PCDHGA5: variants seen among roughly 807,000 people sequenced by gnomAD.
PCDHGA5 encodes protocadherin gamma subfamily A, 5.
Under a neutral mutation model 56.7 loss-of-function variants are expected in PCDHGA5, and 36 were observed. The ratio of observed to expected loss-of-function variants is 0.64; its 90% CI spans 0.49 to 0.84. The LOEUF is 0.84. Among genes scored for constraint, PCDHGA5 ranks in the 40% least tolerant of loss-of-function variants. The pLI is 0.00. For missense variants in PCDHGA5, 1,305 were observed against 1,201.5 expected (o/e 1.09, Z -1.27); for synonymous variants, 563 against 520.2 (o/e 1.08, Z -1.12).
At position 141,489,924 on chromosome 5, in the gene PCDHGA5, C is replaced by G. The variant is rs755286650; in HGVS notation, c.2422-4883C>G. ...CAGCCCGCTCAGGGACCACCCTTAT[C>G]TCTGTCATCGTGCTGGACATCAATG... is the stretch of plus-strand genomic sequence containing the variant. On this transcript the variant is annotated intron_variant, in intron 1 of 3. Transcript: ENST00000518069. This position sits in a 1 kb window ranked among gnomAD's most constrained non-coding sequence, Gnocchi z 4.5. 22 of 1,614,226 alleles carry G rather than the reference C, an allele frequency of 1.4e-5. No homozygotes were observed. The highest frequency in any genetic ancestry group is 1.9e-5 in the Non-Finnish European group (22 of 1,180,030).
At chr5:141,419,190 A>G in intron 1 of PCDHGA5, 1 of 1,613,930 alleles carries the variant, frequency 6.2e-7, no homozygotes, top group South Asian at 1.1e-5. Flanking sequence ...CACATTACTG[A>G]CGTCAATGAC....
At chr5:141,392,819 C>A (rs1346235587) in intron 1 of PCDHGA5, 7 of 1,590,376 alleles carry the variant, frequency 4.4e-6, no homozygotes, top group Non-Finnish European at 6.0e-6. Context: ...CAACAATGGC[C>A]GCTCCACAGA....
chr5:141,369,294 C>T (rs767666173), intron 1 of PCDHGA5, among the ~76,000 whole-genome samples: 37 of 152,084 alleles, frequency 2.4e-4, no homozygotes, highest in Non-Finnish European at 3.5e-4. Flanking sequence ...ATCCTAATAA[C>T]GCATCATTGT....
chr5:141,382,777 C>T (rs1778426057), intron 1 of PCDHGA5: 3 of 822,272 alleles, frequency 3.6e-6, no homozygotes, highest in South Asian at 2.0e-5. Flanking sequence ...CTGCACTAAA[C>T]TCAAGCCTCT....
intron 1 of PCDHGA5, chr5:141,429,167 T>TATAC (rs1240034860): frequency 3.1e-4 from 42 of 136,210 alleles, no homozygotes; most frequent in African/African-American, 7.0e-4. Flanking sequence ...AGACATTGTT[T>TATAC]ATACACACAC....
intron 1 of PCDHGA5, among the ~76,000 whole-genome samples, chr5:141,492,559 C>G (rs533830391): frequency 2.0e-5 from 3 of 152,174 alleles, no homozygotes; most frequent in Non-Finnish European, 4.4e-5. Context: ...GCCTGGGGGG[C>G]GGCCTGAGCG....
rs1478890031 is a variant in PCDHGA5, at chr5:141,478,689, C to G, written c.2422-16118C>G. On this transcript the variant is annotated intron_variant, in intron 1 of 3. Coordinates refer to ENST00000518069, the MANE Select transcript of PCDHGA5 (RefSeq NM_018918.3). Reference sequence around the variant, plus strand: ...CACTTTCAACTGGCCCTTCCTAGATCAAAGTTAGTGCCTTTGTGAGATGGT... The same window carrying G: ...CACTTTCAACTGGCCCTTCCTAGATGAAAGTTAGTGCCTTTGTGAGATGGT... 3 of 1,550,866 alleles carry G rather than the reference C, an allele frequency of 1.9e-6. No homozygotes were observed. In the African/African-American group the frequency reaches 4.1e-5, roughly 21 times the overall value.
chr5:141,385,991 T>C (rs1044328038), intron 1 of PCDHGA5: 1 of 152,222 alleles, frequency 6.6e-6, no homozygotes, highest in East Asian at 1.9e-4. Context: ...ATATGTCAAA[T>C]AAAATGTCAT....
intron 1 of PCDHGA5, chr5:141,371,697 A>T (rs1002155350): frequency 6.2e-7 from 1 of 1,613,958 alleles, no homozygotes; most frequent in African/African-American, 1.3e-5. Context: ...GCTCTCCTCC[A>T]GCAAGACCAT....
intron 1 of PCDHGA5, among the ~76,000 whole-genome samples, chr5:141,473,191 G>A (rs28479996): frequency 0.019 from 2,957 of 152,242 alleles, 87 homozygotes; most frequent in African/African-American, 0.062. Context: ...AGGAGTAAAT[G>A]TATCTTCTAA....
intron 1 of PCDHGA5, chr5:141,394,820 C>T (rs1480144579): frequency 5.6e-6 from 9 of 1,613,748 alleles, no homozygotes; most frequent in African/African-American, 1.3e-5. Flanking sequence ...ACAGCATCCC[C>T]GAAGTCCTGA....
At chr5:141,382,945 C>T (rs1357779050) in intron 1 of PCDHGA5, 1 of 1,597,008 alleles carries the variant, frequency 6.3e-7, no homozygotes, top group Admixed American at 1.7e-5. Context: ...ATTCTTCCTG[C>T]TCTCCATCCT....
At chr5:141,448,415 T>C (rs1286455437) in intron 1 of PCDHGA5, among the ~76,000 whole-genome samples, 2 of 152,158 alleles carry the variant, frequency 1.3e-5, no homozygotes, top group African/African-American at 2.4e-5. Context: ...ATCAAAACAA[T>C]ATACTATGTA....
chr5:141,389,068 C>T (rs1265953328), intron 1 of PCDHGA5: 2 of 1,613,904 alleles, frequency 1.2e-6, no homozygotes, highest in East Asian at 2.2e-5. Flanking sequence ...ATATTAACTT[C>T]TTCAAGAAAC....
intron 1 of PCDHGA5, among the ~76,000 whole-genome samples, chr5:141,401,347 A>T (rs2094143126): frequency 6.6e-6 from 1 of 152,228 alleles, no homozygotes; most frequent in South Asian, 2.1e-4. Context: ...CATCTCAAAA[A>T]AAAGGAAGGA....
chr5:141,403,855 A>G (rs750458276), intron 1 of PCDHGA5: 12 of 1,613,676 alleles, frequency 7.4e-6, no homozygotes, highest in Non-Finnish European at 1.0e-5. Flanking sequence ...CTGGGGAAAT[A>G]TCAACAGCAA....
intron 1 of PCDHGA5, chr5:141,478,866 C>T (rs1392885307): frequency 1.5e-6 from 2 of 1,304,352 alleles, no homozygotes; most frequent in Non-Finnish European, 2.0e-6. Flanking sequence ...TCTCAGCGAT[C>T]AGAGTTTAGC....
At chr5:141,423,084 G>C (rs1427825232) in intron 1 of PCDHGA5, 2 of 1,613,942 alleles carry the variant, frequency 1.2e-6, no homozygotes, top group Non-Finnish European at 1.7e-6. Flanking sequence ...GACTCTTCGC[G>C]GTGGGGGAGC....
intron 2 of PCDHGA5, among the ~76,000 whole-genome samples, chr5:141,504,355 C>T (rs974022699): frequency 6.6e-6 from 1 of 152,078 alleles, no homozygotes; most frequent in Non-Finnish European, 1.5e-5. Flanking sequence ...GTGCTAGGTG[C>T]TTCAGTAGGA....
Sources: gnomAD v4.1 joint callset for allele counts (sites outside exome capture counted in the v4.1 genomes callset) on GRCh38, gnomAD v4.1.1 for gene constraint, Gnocchi (gnomAD v3.1) non-coding constraint, MANE v1.5 for transcripts, NCBI Gene and HGNC (gene_info 2026-07-23, HGNC 2026-07-21) for gene names.